Variants in LSAMP observed in about 807,000 individuals in gnomAD.
The protein encoded by LSAMP is limbic system associated membrane protein.
LSAMP carries 7 observed loss-of-function variants against 38.6 expected under a neutral mutation model. That is an observed-to-expected ratio of 0.18 (90% CI 0.10 to 0.34). The LOEUF is 0.34. Among genes scored for constraint, LSAMP ranks in the 10% least tolerant of loss-of-function variants. LSAMP has a pLI of 1.00. For synonymous variants in LSAMP, 154 were observed against 166.8 expected, an observed-to-expected ratio of 0.92 and a Z score of 0.59; for missense variants, 313 against 420.0, an observed-to-expected ratio of 0.75 and a Z score of 2.23.
intron 1 of LSAMP, among the ~76,000 whole-genome samples, chr3:116,398,488 G>A (rs945601539): frequency 2.6e-5 from 4 of 151,796 alleles, no homozygotes; most frequent in African/African-American, 4.9e-5. Flanking sequence ...AGCTGACAAA[G>A]CTCTATGAAG....
intron 2 of LSAMP, among the ~76,000 whole-genome samples, chr3:116,037,673 T>G (rs1474860847): frequency 6.6e-6 from 1 of 152,152 alleles, no homozygotes; most frequent in Non-Finnish European, 1.5e-5. Context: ...GAAGATAAAA[T>G]TGAGCCAGAA....
At chr3:115,859,981 T>C (rs1935627270) in intron 3 of LSAMP, among the ~76,000 whole-genome samples, 1 of 152,238 alleles carries the variant, frequency 6.6e-6, no homozygotes, top group Non-Finnish European at 1.5e-5. Context: ...TTTAGTTCTC[T>C]GAAGGGGATT....
At chr3:116,107,502 G>A (rs113226189) in intron 1 of LSAMP, among the ~76,000 whole-genome samples, 2 of 152,258 alleles carry the variant, frequency 1.3e-5, no homozygotes, top group East Asian at 3.9e-4. Context: ...AATTCTGACT[G>A]CACTAACCAT....
At chr3:116,295,877 G>A (rs763866909) in intron 1 of LSAMP, among the ~76,000 whole-genome samples, 2 of 152,128 alleles carry the variant, frequency 1.3e-5, no homozygotes, top group African/African-American at 2.4e-5. Context: ...GATTAAGAAG[G>A]GGACTAGAGT....
intron 3 of LSAMP, among the ~76,000 whole-genome samples, chr3:115,995,170 T>C (rs951453388): frequency 9.2e-5 from 14 of 152,226 alleles, no homozygotes; most frequent in African/African-American, 3.4e-4. Flanking sequence ...GAAAGAAGCC[T>C]GTCCTGCCCC....
intron 3 of LSAMP, among the ~76,000 whole-genome samples, chr3:115,951,466 A>T (rs1347824802): frequency 6.6e-6 from 1 of 152,190 alleles, no homozygotes; most frequent in East Asian, 1.9e-4. Flanking sequence ...GTGATGGTTA[A>T]TATTTAGCGT....
chr3:116,082,381 T>C (rs1329603537), intron 2 of LSAMP, among the ~76,000 whole-genome samples: 1 of 152,212 alleles, frequency 6.6e-6, no homozygotes, highest in Non-Finnish European at 1.5e-5. Flanking sequence ...TTTTTGTGTG[T>C]GTGCATCTGA....
At chr3:115,959,309 A>C (rs1224516483) in intron 3 of LSAMP, among the ~76,000 whole-genome samples, 1 of 152,144 alleles carries the variant, frequency 6.6e-6, no homozygotes. Context: ...TAAAGGTCCA[A>C]AATTTTAGGC....
At chr3:116,080,289 T>C (rs1033288296) in intron 2 of LSAMP, among the ~76,000 whole-genome samples, 2 of 152,220 alleles carry the variant, frequency 1.3e-5, no homozygotes, top group East Asian at 1.9e-4. Context: ...TTTTCTTTCA[T>C]GAAGTCTATA....
At chr3:115,996,257 T>C (rs1291531302) in intron 3 of LSAMP, among the ~76,000 whole-genome samples, 2 of 152,046 alleles carry the variant, frequency 1.3e-5, no homozygotes, top group Non-Finnish European at 2.9e-5. Flanking sequence ...ATAGCAGTAA[T>C]AATAATAACT....
At chr3:115,829,213 A>T (rs1934528365) in intron 6 of LSAMP, among the ~76,000 whole-genome samples, 1 of 152,180 alleles carries the variant, frequency 6.6e-6, no homozygotes, top group Non-Finnish European at 1.5e-5. Context: ...GGGGGAGATA[A>T]GACACAGAAA....
intron 3 of LSAMP, among the ~76,000 whole-genome samples, chr3:115,887,373 TAAAG>T (rs1308177592): frequency 6.6e-6 from 1 of 151,930 alleles, no homozygotes; most frequent in Non-Finnish European, 1.5e-5. Context: ...GAAATCAAAG[TAAAG>T]AAATATTTTA....
intron 3 of LSAMP, among the ~76,000 whole-genome samples, chr3:115,919,817 G>T (rs1219191482): frequency 6.6e-6 from 1 of 152,066 alleles, no homozygotes; most frequent in Non-Finnish European, 1.5e-5. Context: ...TCACCATGTT[G>T]GCCAGGCTGC....
chr3:115,841,872 C>A lies in LSAMP; in HGVS notation c.892G>T (p.Val298Phe), dbSNP rs200876341. ...YTCVAANKLGVTNASLVLFRP... is the reference protein window; with the variant it reads ...YTCVAANKLGFTNASLVLFRP... ...AAAAGGACTAGGCTGGCATTGGTGACCCCCAGCTTGTTGGCAGCCACACAG... is the reference window on the plus strand; with the variant it reads ...AAAAGGACTAGGCTGGCATTGGTGAACCCCAGCTTGTTGGCAGCCACACAG... Residue 298 changes from valine to phenylalanine, a missense_variant, in exon 6 of 7, where the codon GTC becomes TTC. Transcript: ENST00000490035. The A allele has an allele frequency of 6.8e-6, 11 of 1,613,560 alleles. No homozygotes were observed. Among genetic ancestry groups the A allele is most frequent in the Admixed American group, 6.7e-5 (4 of 59,914 alleles).
intron 1 of LSAMP, among the ~76,000 whole-genome samples, chr3:116,280,985 A>G (rs1559811639): frequency 6.6e-6 from 1 of 152,226 alleles, no homozygotes; most frequent in Non-Finnish European, 1.5e-5. Context: ...AGAAAAGGGA[A>G]GGAAAGAAAA....
intron 1 of LSAMP, among the ~76,000 whole-genome samples, chr3:116,111,626 C>A (rs1166477544): frequency 6.6e-6 from 1 of 151,978 alleles, no homozygotes; most frequent in South Asian, 2.1e-4. Flanking sequence ...TCTTCTCCCC[C>A]TTTTAACACT....
intron 3 of LSAMP, among the ~76,000 whole-genome samples, chr3:115,923,721 C>A (rs1028247156): frequency 6.6e-6 from 1 of 152,106 alleles, no homozygotes; most frequent in African/African-American, 2.4e-5. Context: ...GTCTCTCCTA[C>A]CTGGAATGAC....
chr3:116,435,052 T>C (rs1367452857), intron 1 of LSAMP, among the ~76,000 whole-genome samples: 1 of 152,200 alleles, frequency 6.6e-6, no homozygotes, highest in Non-Finnish European at 1.5e-5. Flanking sequence ...CAGTTCTTAC[T>C]TAATGTCAGA....
At chr3:116,301,231 A>G (rs1374204869) in intron 1 of LSAMP, among the ~76,000 whole-genome samples, 1 of 152,154 alleles carries the variant, frequency 6.6e-6, no homozygotes, top group African/African-American at 2.4e-5. Context: ...TGTCTCACCT[A>G]AAGTATTTTA....
Sources: allele counts gnomAD v4.1 joint callset (sites outside exome capture counted in the v4.1 genomes callset), GRCh38; gene constraint gnomAD v4.1.1; transcripts MANE v1.5; gene names NCBI Gene and HGNC (gene_info 2026-07-23, HGNC 2026-07-21).